The following GRIA4 variants were observed in gnomAD, a reference collection of about 807,000 sequenced individuals.
GRIA4 encodes glutamate ionotropic receptor AMPA type subunit 4.
A neutral mutation model predicts 104.0 loss-of-function variants in GRIA4; 34 were observed. That is an observed-to-expected ratio of 0.33 (90% confidence interval 0.25 to 0.44). The LOEUF is 0.44. Ranked by LOEUF, GRIA4 falls within the 20% of genes least tolerant of loss-of-function variation. GRIA4 has a pLI of 1.00. For synonymous variants in GRIA4, 386 were observed against 381.9 expected (o/e 1.01, Z -0.13); for missense variants, 750 against 1,096.5 (o/e 0.68, Z 4.46).
chr11:105,636,788 A>T (rs10895846), intron 3 of GRIA4, among the ~76,000 whole-genome samples: 6 of 152,082 alleles, frequency 3.9e-5, no homozygotes, highest in South Asian at 4.1e-4. Flanking sequence ...GTCCCTCAAC[A>T]GCGAACCAAT....
chr11:105,954,950 A>C (rs574842926), intron 14 of GRIA4, among the ~76,000 whole-genome samples: 1 of 149,400 alleles, frequency 6.7e-6, no homozygotes, highest in South Asian at 2.1e-4. Flanking sequence ...AAAATGTTAT[A>C]TATATAATGC....
At chr11:105,851,088 C>T (rs1251302299) in intron 4 of GRIA4, among the ~76,000 whole-genome samples, 1 of 152,036 alleles carries the variant, frequency 6.6e-6, no homozygotes, top group Non-Finnish European at 1.5e-5. Context: ...AACACCATGC[C>T]AATAAAGCAC....
intron 3 of GRIA4, among the ~76,000 whole-genome samples, chr11:105,736,840 C>T (rs975640154): frequency 6.6e-6 from 1 of 151,804 alleles, no homozygotes; most frequent in African/African-American, 2.4e-5. Flanking sequence ...AGTTTTAATG[C>T]CTTTAAGATT....
intron 3 of GRIA4, among the ~76,000 whole-genome samples, chr11:105,627,401 A>G (rs891004283): frequency 6.6e-6 from 1 of 152,112 alleles, no homozygotes; most frequent in African/African-American, 2.4e-5. Flanking sequence ...TAAGGATGTT[A>G]TGCCATATTC....
intron 14 of GRIA4, among the ~76,000 whole-genome samples, chr11:105,959,581 A>G (rs1948682153): frequency 6.6e-6 from 1 of 152,136 alleles, no homozygotes; most frequent in African/African-American, 2.4e-5. Context: ...TTTATTACCT[A>G]TCTTCTGAAG....
At chr11:105,644,717 C>T (rs1951475717) in intron 3 of GRIA4, among the ~76,000 whole-genome samples, 1 of 152,052 alleles carries the variant, frequency 6.6e-6, no homozygotes, top group South Asian at 2.1e-4. Flanking sequence ...GGTAAGGGCA[C>T]ATTGGCATAA....
At chr11:105,978,373 TATG>T (rs1362793105) in intron 16 of GRIA4, among the ~76,000 whole-genome samples, 163 of 152,156 alleles carry the variant, frequency 1.1e-3, no homozygotes, top group Non-Finnish European at 3.5e-4. Context: ...GAGTTCTGAT[TATG>T]ATGATAAGTA....
intron 14 of GRIA4, among the ~76,000 whole-genome samples, chr11:105,966,651 C>T (rs552210528): frequency 4.2e-4 from 64 of 152,116 alleles, no homozygotes; most frequent in Non-Finnish European, 7.2e-4. Context: ...ATAAAATCAA[C>T]TCAGCTTTGT....
intron 4 of GRIA4, among the ~76,000 whole-genome samples, chr11:105,765,636 C>T (rs183411409): frequency 2.6e-4 from 40 of 152,308 alleles, no homozygotes; most frequent in Non-Finnish European, 3.5e-4. Context: ...ACCTTTAAAA[C>T]AGGGGCCAGC....
At chr11:105,861,256 G>A (rs1591363087) in intron 4 of GRIA4, among the ~76,000 whole-genome samples, 1 of 152,126 alleles carries the variant, frequency 6.6e-6, no homozygotes, top group East Asian at 1.9e-4. Context: ...AATTCAAGTT[G>A]TTTCTCCTCT....
chr11:105,956,567 T>C (rs936319999), intron 14 of GRIA4, among the ~76,000 whole-genome samples: 4 of 152,232 alleles, frequency 2.6e-5, no homozygotes, highest in African/African-American at 9.6e-5. Flanking sequence ...ACAATAAACA[T>C]ACATGTGCAT....
At chr11:105,635,462 C>T (rs1951179436) in intron 3 of GRIA4, among the ~76,000 whole-genome samples, 1 of 152,096 alleles carries the variant, frequency 6.6e-6, no homozygotes, top group Non-Finnish European at 1.5e-5. Flanking sequence ...ATTGGTTTTA[C>T]TTGAGGAGAA....
rs12275906 is a variant in GRIA4, at chr11:105,907,946, T to A, written c.1159-2489T>A. 9.5e-3 allele frequency among the ~76,000 whole-genome samples: 1,446 copies of A among 152,236 alleles called. 22 individuals are homozygous for A. The highest frequency in any genetic ancestry group is 0.032 in the African/African-American group (1,340 of 41,548). On this transcript the variant is annotated intron_variant, in intron 9 of 16. Transcript: ENST00000282499. ...AATTCCTGAAGCTCTAGAGCATCAC[T>A]CAAGATCTTGACTCAGGTTTCAAGA...
rs146990975 is a variant in GRIA4, at chr11:105,974,529, T to C, written c.2544+85T>C. 2.4e-5 allele frequency: 39 copies of C among 1,613,636 alleles called. No homozygotes were observed. The East Asian group carries it at 8.5e-4, about 35-fold the overall frequency. On this transcript the variant is annotated intron_variant, in intron 16 of 16. Coordinates refer to ENST00000282499, the MANE Select transcript of GRIA4 (RefSeq NM_000829.4). ...AACCTATAGAGAAGGTTACAACGTA[T>C]ATGGAACCGAAAGTATTAAAATTTA...
At chr11:105,966,342 A>G (rs181517268) in intron 14 of GRIA4, among the ~76,000 whole-genome samples, 1 of 152,336 alleles carries the variant, frequency 6.6e-6, no homozygotes, top group East Asian at 1.9e-4. Context: ...TTTGGAAAGT[A>G]GGAAGGGATG....
chr11:105,816,299 G>A (rs1486355940), intron 4 of GRIA4, among the ~76,000 whole-genome samples: 1 of 152,196 alleles, frequency 6.6e-6, no homozygotes, highest in African/African-American at 2.4e-5. Flanking sequence ...AATTCCCACT[G>A]TTGGAGGTAG....
chr11:105,794,690 G>T (rs1413247939), intron 4 of GRIA4, among the ~76,000 whole-genome samples: 1 of 150,110 alleles, frequency 6.7e-6, no homozygotes, highest in Admixed American at 6.7e-5. Context: ...TGATAAGACA[G>T]ATCTGAGACC....
chr11:105,699,212 C>G (rs1211110140), intron 3 of GRIA4, among the ~76,000 whole-genome samples: 1 of 152,126 alleles, frequency 6.6e-6, no homozygotes. Flanking sequence ...GTCCCTGTTC[C>G]CTCCTCTGTG....
chr11:105,748,770 A>T (rs960897095), intron 3 of GRIA4, among the ~76,000 whole-genome samples: 1 of 152,176 alleles, frequency 6.6e-6, no homozygotes, highest in Non-Finnish European at 1.5e-5. Context: ...TCCAATTCTG[A>T]ATGGGGAAGT....
Sources: gnomAD v4.1 joint callset for allele counts (sites outside exome capture counted in the v4.1 genomes callset) on GRCh38, gnomAD v4.1.1 for gene constraint, MANE v1.5 for transcripts, NCBI Gene and HGNC (gene_info 2026-07-23, HGNC 2026-07-21) for gene names.